Variants in CAMSAP1 observed in about 807,000 individuals in gnomAD.
CAMSAP1 encodes calmodulin-regulated spectrin-associated protein 1.
CAMSAP1 carries 58 observed loss-of-function variants against 143.5 expected under a neutral mutation model. That is an observed-to-expected ratio of 0.40 (90% confidence interval 0.33 to 0.50). The LOEUF (loss-of-function observed/expected upper bound fraction) is 0.50. Among genes scored for constraint, CAMSAP1 ranks in the 20% least tolerant of loss-of-function variants. CAMSAP1 has a pLI of 0.45. For missense variants in CAMSAP1, 1,969 were observed against 2,115.7 expected, an observed-to-expected ratio of 0.93 and a Z score of 1.36; for synonymous variants, 945 against 859.3, an observed-to-expected ratio of 1.10 and a Z score of -1.74.
intron 7 of CAMSAP1, among the ~76,000 whole-genome samples, chr9:135,841,421 A>G (rs1387742505): frequency 1.3e-5 from 2 of 152,230 alleles, no homozygotes; most frequent in African/African-American, 2.4e-5. Context: ...CTATGGGCAT[A>G]GCCTCAGCAG....
In CAMSAP1 at chr9:135,882,718, G is replaced by T. The variant is rs571563462; in HGVS notation, c.423+98C>A. On this transcript the variant is annotated intron_variant, in intron 2 of 16. Coordinates refer to ENST00000389532, the MANE Select transcript of CAMSAP1 (RefSeq NM_015447.4). This position sits in a 1 kb window ranked among gnomAD's most constrained non-coding sequence, Gnocchi z 4.9. ...AAGCACGGGTCTCCACCACCTCGCC[G>T]CACACCGTGTTCACACCATCCATGC... The T allele has an allele frequency of 1.2e-4, 165 of 1,400,496 alleles. No individual in the cohort carries two copies. The highest frequency in any genetic ancestry group is 4.7e-4 in the Middle Eastern group (2 of 4,220). The allele number at this position is 1,400,496 out of a possible 1,614,324, so 86.8% of individuals were successfully genotyped here.
At position 135,815,933 on chromosome 9, in the gene CAMSAP1, G is replaced by C. The variant is rs140850961; in HGVS notation, c.4344C>G (p.Thr1448=). The C allele has an allele frequency of 3.7e-6, 6 of 1,613,664 alleles. No individual in the cohort carries two copies. The highest frequency in any genetic ancestry group is 1.3e-5 in the African/African-American group (1 of 74,950). The change falls in exon 15 of 17, where the codon ACC becomes ACG. Residue 1448 remains threonine (T), a synonymous_variant. Transcript: ENST00000389532. ...AGGCCAGGGAAGATGCCGCCGACGC[G>C]GTCTCCCAGTCTCGGTCTGTGCTCC... ...PSRSTDRDWE[T]ASAASSLASV...
At chr9:135,828,001 C>T (rs1835736058) in intron 7 of CAMSAP1, among the ~76,000 whole-genome samples, 1 of 152,244 alleles carries the variant, frequency 6.6e-6, no homozygotes, top group African/African-American at 2.4e-5. Flanking sequence ...AGAGCCACCT[C>T]GCTCAGCCCA....
chr9:135,839,257 C>A (rs1445028625), intron 7 of CAMSAP1, among the ~76,000 whole-genome samples: 11 of 152,330 alleles, frequency 7.2e-5, no homozygotes, highest in African/African-American at 2.4e-4. Context: ...ACTCAGCAAG[C>A]CACTGTTTCT....
In CAMSAP1 at chr9:135,857,044, T is replaced by G. The variant is rs117058787; in HGVS notation, c.808+5423A>C. Among the ~76,000 whole-genome samples, 152 of 152,288 alleles carry G rather than the reference T, an allele frequency of 1.0e-3. No homozygotes were observed. In the East Asian group the frequency reaches 0.014, roughly 14 times the overall value. On this transcript the variant is annotated intron_variant, in intron 5 of 16. Coordinates refer to ENST00000389532, the MANE Select transcript of CAMSAP1 (RefSeq NM_015447.4). ...TGGTGTCATTGGGGCTGCCTGCTTG[T>G]GTGTAACCTGCTTGGTCTCTCCACA...
intron 15 of CAMSAP1, among the ~76,000 whole-genome samples, 157 bp downstream of exon 15, chr9:135,815,733 A>C (rs1835206711): frequency 6.6e-6 from 1 of 152,402 alleles, no homozygotes; most frequent in East Asian, 1.9e-4. Flanking sequence ...TGCCCATTTC[A>C]GCACCAAAGA....
chr9:135,883,985 T>C (rs1232853608), intron 1 of CAMSAP1, among the ~76,000 whole-genome samples: 1 of 152,168 alleles, frequency 6.6e-6, no homozygotes, highest in East Asian at 1.9e-4. Flanking sequence ...CCCACTTTTC[T>C]AGCCTTGCCA....
At chr9:135,861,746 A>G (rs1837200146) in intron 5 of CAMSAP1, among the ~76,000 whole-genome samples, 1 of 152,202 alleles carries the variant, frequency 6.6e-6, no homozygotes, top group African/African-American at 2.4e-5. Context: ...ATGTTTCCAT[A>G]TTAGTTTGGG....
chr9:135,817,705 G>A (rs1463915808), intron 14 of CAMSAP1: 8 of 383,008 alleles, frequency 2.1e-5, no homozygotes, highest in South Asian at 5.7e-5. Context: ...GGACTCCAAC[G>A]GACTCAAAAC....
rs780605426 is a variant in CAMSAP1 at position 135,823,067 on chromosome 9, T to C, written c.1594A>G (p.Asn532Asp). ...TKSHGKSLLSNVSIEDEEEEL... is the reference protein window; with the variant it reads ...TKSHGKSLLSDVSIEDEEEEL... ...TCTTCCTCATCCTCAATACTGACAT[T>C]GCTCAGGAGGCTCTTCCCGTGGCTC... The change falls in exon 11 of 17, where the codon AAT (asparagine) becomes GAT (aspartate). Residue 532 changes from asparagine to aspartate, a missense_variant. Around this residue, in one of 4 missense-constraint regions of CAMSAP1, gnomAD observed 1,390 missense variants for 1,420.8 expected, o/e 0.98. Coordinates refer to ENST00000389532, the MANE Select transcript of CAMSAP1 (RefSeq NM_015447.4). The C allele has an allele frequency of 3.9e-5, 63 of 1,613,864 alleles. No individual in the cohort carries two copies. In the South Asian group the frequency reaches 6.3e-4, roughly 16 times the overall value.
At chr9:135,819,282 C>T (rs191616998) in intron 11 of CAMSAP1, 136 bp from the exon 12 acceptor site, 34 of 1,200,536 alleles carry the variant, frequency 2.8e-5, no homozygotes, top group Non-Finnish European at 3.8e-5. Flanking sequence ...TTTCTCTAAC[C>T]GTTACAGACT....
At chr9:135,842,586 A>G (rs553301961) in intron 7 of CAMSAP1, among the ~76,000 whole-genome samples, 1 of 152,336 alleles carries the variant, frequency 6.6e-6, no homozygotes, top group South Asian at 2.1e-4. Flanking sequence ...AAGTGCAGCC[A>G]GAGAGAAAGG....
intron 7 of CAMSAP1, among the ~76,000 whole-genome samples, chr9:135,829,028 C>G (rs1330085799): frequency 2.6e-5 from 4 of 152,234 alleles, no homozygotes; most frequent in Non-Finnish European, 5.9e-5. Flanking sequence ...TTCATCACCA[C>G]TGCACCTGCC....
chr9:135,896,137 TAAC>T (rs1838442878), intron 1 of CAMSAP1, among the ~76,000 whole-genome samples: 1 of 152,150 alleles, frequency 6.6e-6, no homozygotes, highest in Non-Finnish European at 1.5e-5. Flanking sequence ...TTAAAAAACA[TAAC>T]ATCATTACAT....
chr9:135,868,762 G>A (rs1233831229), intron 3 of CAMSAP1, among the ~76,000 whole-genome samples: 3 of 151,756 alleles, frequency 2.0e-5, no homozygotes, highest in East Asian at 1.9e-4. Context: ...GACTACAGGC[G>A]CCCACCACCA....
At chr9:135,888,214 G>C (rs546351680) in intron 1 of CAMSAP1, among the ~76,000 whole-genome samples, 3 of 152,258 alleles carry the variant, frequency 2.0e-5, no homozygotes, top group Non-Finnish European at 4.4e-5. Context: ...TGCGCCAGCT[G>C]AGCATAAGCT....
At position 135,818,831 on chromosome 9, in the gene CAMSAP1, G is replaced by A. The variant is rs1226882680; in HGVS notation, c.3959+179C>T. Among the ~76,000 whole-genome samples the A allele has an allele frequency of 6.6e-6, 1 of 152,184 alleles. No individual in the cohort carries two copies. The highest frequency in any genetic ancestry group is 2.4e-5 in the African/African-American group (1 of 41,446). On this transcript the variant is annotated intron_variant, in intron 12 of 16. Transcript: ENST00000389532. This position sits in a 1 kb window ranked among gnomAD's most constrained non-coding sequence, Gnocchi z 7.7. ...GCCTCCCTGGCCACCGGCAACGCAC[G>A]TCCTCACTGAAGATCAGCAGGGGCC...
rs190891625 is a variant in CAMSAP1, at chr9:135,819,520, G to A, written c.3823-374C>T. 5.1e-3 allele frequency among the ~76,000 whole-genome samples: 770 copies of A among 151,822 alleles called. 8 individuals carry two copies. Among genetic ancestry groups the A allele is most frequent in the African/African-American group, 0.017 (701 of 41,448 alleles). ...TCAAGACCAGCCTGCCCAACATGGC[G>A]AAACCCTGTCTCTATTAAAAATACA... On this transcript the variant is annotated intron_variant, in intron 11 of 16. Coordinates refer to ENST00000389532, the MANE Select transcript of CAMSAP1 (RefSeq NM_015447.4).
rs1836719273 is a variant in CAMSAP1, at chr9:135,850,098, A to C, written c.1045+39T>G. 2.0e-6 allele frequency: 3 copies of C among 1,530,100 alleles called. No individual in the cohort carries two copies. In the African/African-American group the frequency reaches 4.1e-5, roughly 21 times the overall value. 94.8% of individuals were successfully genotyped at this position (1,530,100 alleles called of 1,614,324 possible). On this transcript the variant is annotated intron_variant, in intron 7 of 16. Coordinates refer to ENST00000389532, the MANE Select transcript of CAMSAP1 (RefSeq NM_015447.4). ...TGCTTTCTGATACTCTAGGCTCTCA[A>C]GGAAACCATTGCCAACCTGGGGAAT...
Sources: allele counts gnomAD v4.1 joint callset (sites outside exome capture counted in the v4.1 genomes callset), GRCh38; gene constraint gnomAD v4.1.1; regional missense constraint gnomAD v4.1.1; non-coding constraint Gnocchi (gnomAD v3.1); transcripts MANE v1.5; gene names NCBI Gene and HGNC (gene_info 2026-07-23, HGNC 2026-07-21).